The following LDAH variants were observed in gnomAD, a reference collection of about 807,000 sequenced individuals.
The protein encoded by LDAH is lipid droplet associated hydrolase, also known as lipid droplet-associated hydrolase.
Under a neutral mutation model 29.6 loss-of-function variants are expected in LDAH, and 26 were observed. The ratio of observed to expected loss-of-function variants is 0.88; its 90% CI spans 0.64 to 1.22. The LOEUF is 1.22. Ranked by LOEUF, LDAH falls within the 50% of genes most tolerant of loss-of-function variation. LDAH has a pLI of 0.00. For synonymous variants in LDAH, 117 were observed against 133.0 expected, an observed-to-expected ratio of 0.88 and a Z score of 0.83; for missense variants, 344 against 387.3, an observed-to-expected ratio of 0.89 and a Z score of 0.94.
At chr2:20,800,619 T>C (rs953725794) in intron 2 of LDAH, among the ~76,000 whole-genome samples, 1 of 135,780 alleles carries the variant, frequency 7.4e-6, no homozygotes, top group Non-Finnish European at 1.6e-5. Flanking sequence ...TAATTTTTAT[T>C]TTTTTATTTT....
At chr2:20,797,597 A>T (rs536879070) in intron 2 of LDAH, among the ~76,000 whole-genome samples, 1 of 152,276 alleles carries the variant, frequency 6.6e-6, no homozygotes, top group South Asian at 2.1e-4. Flanking sequence ...AGGATGGCTA[A>T]TCACCCTAGA....
At chr2:20,731,002 T>C (rs545687429) in intron 5 of LDAH, among the ~76,000 whole-genome samples, 1 of 152,386 alleles carries the variant, frequency 6.6e-6, no homozygotes, top group South Asian at 2.1e-4. Flanking sequence ...ATTCTTCTTT[T>C]ACAAAACTGT....
rs527769257 is a variant in LDAH, at chr2:20,760,701, C to G, written c.468+14109G>C. On this transcript the variant is annotated intron_variant, in intron 4 of 6. Transcript: ENST00000237822. Reference sequence around the variant, plus strand: ...ATATAGGCCGCCCAACATAGACAACCCACAACATGGCAGTTTGCTTTTAAA... The same window carrying G: ...ATATAGGCCGCCCAACATAGACAACGCACAACATGGCAGTTTGCTTTTAAA... 5.7e-3 allele frequency among the ~76,000 whole-genome samples: 867 copies of G among 152,300 alleles called. 8 individuals carry two copies. Among genetic ancestry groups the G allele is most frequent in the African/African-American group, 0.02 (828 of 41,566 alleles).
chr2:20,716,609 G>A (rs1207629098), intron 5 of LDAH, among the ~76,000 whole-genome samples: 1 of 151,486 alleles, frequency 6.6e-6, no homozygotes, highest in Admixed American at 6.6e-5. Context: ...GATAGCATTT[G>A]GAGAAATTCC....
At chr2:20,776,078 C>T (rs1382062016) in intron 3 of LDAH, among the ~76,000 whole-genome samples, 2 of 152,116 alleles carry the variant, frequency 1.3e-5, no homozygotes, top group East Asian at 3.9e-4. Flanking sequence ...TATCACAAGA[C>T]AGTCAACTGT....
At position 20,685,483 on chromosome 2, in the gene LDAH, C is replaced by G. The variant is rs1662493857; in HGVS notation, c.*1420G>C. 6.5e-7 allele frequency: 1 copy of G among 1,528,634 alleles called. No individual in the cohort carries two copies. The highest frequency in any genetic ancestry group is 8.8e-7 in the Non-Finnish European group (1 of 1,136,742). The allele number at this position is 1,528,634 out of a possible 1,614,324, so 94.7% of individuals were successfully genotyped here. ...TTGTCTGGAGCTTGGCTTTTCCCCT[C>G]TGAGAAGTCACTTGCTGTGATGTAG... On this transcript the variant is annotated 3_prime_UTR_variant, in exon 7 of 7. Transcript: ENST00000237822.
chr2:20,812,391 G>A (rs541104900), intron 1 of LDAH, among the ~76,000 whole-genome samples: 1 of 152,296 alleles, frequency 6.6e-6, no homozygotes, highest in Admixed American at 6.5e-5. Flanking sequence ...CCAAGTGAGA[G>A]AATCCTTTAT....
At chr2:20,791,176 T>A (rs1353551496) in intron 2 of LDAH, among the ~76,000 whole-genome samples, 2 of 152,220 alleles carry the variant, frequency 1.3e-5, no homozygotes, top group African/African-American at 4.8e-5. Context: ...TCCATTTTTA[T>A]ATCTTTCAGT....
chr2:20,714,624 T>C (rs879562679), intron 5 of LDAH, among the ~76,000 whole-genome samples: 16 of 152,082 alleles, frequency 1.1e-4, no homozygotes, highest in African/African-American at 1.4e-4. Context: ...GCAAAATTGA[T>C]AGACTGCTAG....
chr2:20,787,173 T>G (rs919532643), intron 3 of LDAH, among the ~76,000 whole-genome samples: 4 of 152,234 alleles, frequency 2.6e-5, no homozygotes, highest in Non-Finnish European at 5.9e-5. Context: ...TAGTGTCTTC[T>G]ACAATCTTCA....
intron 4 of LDAH, among the ~76,000 whole-genome samples, chr2:20,761,648 A>G (rs976350149): frequency 1.3e-5 from 2 of 152,200 alleles, no homozygotes; most frequent in African/African-American, 4.8e-5. Context: ...ACTGAACTTG[A>G]CAATATACAA....
chr2:20,808,850 A>C (rs1000218520), intron 1 of LDAH, among the ~76,000 whole-genome samples: 4 of 152,222 alleles, frequency 2.6e-5, no homozygotes, highest in Non-Finnish European at 5.9e-5. Flanking sequence ...AATGGCGTTC[A>C]TGCAGAGGAG....
At chr2:20,690,099 A>C (rs1662886679) in intron 6 of LDAH, among the ~76,000 whole-genome samples, 1 of 152,198 alleles carries the variant, frequency 6.6e-6, no homozygotes, top group Admixed American at 6.5e-5. Flanking sequence ...TTCCAATGAG[A>C]AGTCCAGCTT....
At chr2:20,683,901 A>G (rs1662385139), downstream of LDAH, 1 of 143,856 alleles carries the variant, frequency 7.0e-6, no homozygotes, top group Non-Finnish European at 1.5e-5. Flanking sequence ...AGGTGAAGTG[A>G]AGTCTTATGT....
Position 20,774,955 on chromosome 2 carries a change from T to C in LDAH, c.323A>G (p.Asp108Gly). 1 of 1,596,358 alleles carries C rather than the reference T, an allele frequency of 6.3e-7. No homozygotes were observed. The highest frequency in any genetic ancestry group is 8.6e-7 in the Non-Finnish European group (1 of 1,167,408). ...TATTTGTCCATTTAGTCCATAAATG[T>C]CCTTAATTTCTTGAGCGTTTGAATC... Reference protein sequence around the residue: ...SEDSNAQEIKDIYGLNGQIEH... With the variant: ...SEDSNAQEIKGIYGLNGQIEH... The change falls in exon 4 of 7, where the codon GAC becomes GGC. Residue 108 changes from aspartate to glycine, a missense_variant. Physicochemically the swap from Asp to Gly is moderately conservative, Grantham distance 94. Transcript: ENST00000237822.
chr2:20,696,241 C>A (rs929970960), intron 6 of LDAH, among the ~76,000 whole-genome samples: 2 of 152,304 alleles, frequency 1.3e-5, no homozygotes, highest in South Asian at 2.1e-4. Flanking sequence ...GATTTGCATG[C>A]CCCAATCTGC....
intron 4 of LDAH, among the ~76,000 whole-genome samples, chr2:20,750,827 A>G (rs1288430271): frequency 6.6e-6 from 1 of 152,262 alleles, no homozygotes; most frequent in South Asian, 2.1e-4. Context: ...CTATGCAGCC[A>G]TAAAAAAGAA....
At chr2:20,742,353 CA>C (rs1161035527) in intron 4 of LDAH, among the ~76,000 whole-genome samples, 1 of 152,152 alleles carries the variant, frequency 6.6e-6, no homozygotes, top group African/African-American at 2.4e-5. Flanking sequence ...GGTCTTTACC[CA>C]TTTACTGCCT....
intron 4 of LDAH, among the ~76,000 whole-genome samples, chr2:20,773,259 G>A (rs909881204): frequency 9.9e-5 from 15 of 151,948 alleles, no homozygotes; most frequent in African/African-American, 3.1e-4. Context: ...GGAAACTGAG[G>A]TTGAGACTCA....
Sources: gnomAD v4.1 joint callset for allele counts (sites outside exome capture counted in the v4.1 genomes callset) on GRCh38, gnomAD v4.1.1 for gene constraint, MANE v1.5 for transcripts, NCBI Gene and HGNC (gene_info 2026-07-23, HGNC 2026-07-21) for gene names.